The following RNF216 variants were observed in gnomAD, a reference collection of about 807,000 sequenced individuals.
RNF216 encodes the protein E3 ubiquitin-protein ligase RNF216.
A neutral mutation model predicts 110.8 loss-of-function variants in RNF216; 72 were observed. That is an observed-to-expected ratio of 0.65 (90% CI 0.54 to 0.79). The LOEUF is 0.79. Ranked by LOEUF, RNF216 falls within the 30% of genes least tolerant of loss-of-function variation. RNF216 has a pLI of 0.00. For missense variants in RNF216, 1,342 were observed against 1,141.2 expected (o/e 1.18, Z -2.54); for synonymous variants, 495 against 407.5 (o/e 1.21, Z -2.59).
At chr7:5,770,615 T>C (rs958703058) in intron 1 of RNF216, among the ~76,000 whole-genome samples, 3 of 151,952 alleles carry the variant, frequency 2.0e-5, no homozygotes, top group Non-Finnish European at 4.4e-5. Context: ...GTTTTAAGAA[T>C]AGATATATAC....
At chr7:5,720,678 C>A (rs1793363879) in intron 9 of RNF216, among the ~76,000 whole-genome samples, 1 of 152,006 alleles carries the variant, frequency 6.6e-6, no homozygotes, top group Admixed American at 6.6e-5. Context: ...ACTTTGAGAG[C>A]CACTGGTTTA....
At chr7:5,762,682 ACT>A (rs968632059) in intron 1 of RNF216, among the ~76,000 whole-genome samples, 8 of 152,008 alleles carry the variant, frequency 5.3e-5, no homozygotes, top group African/African-American at 1.9e-4. Context: ...ACAGAGCGAG[ACT>A]CTGTCTCGAA....
intron 13 of RNF216, among the ~76,000 whole-genome samples, chr7:5,675,472 C>T (rs77085121): frequency 0.015 from 2,260 of 149,866 alleles, 50 homozygotes; most frequent in African/African-American, 0.051. Flanking sequence ...ACACCCTCTA[C>T]GAAAAATAAA....
At chr7:5,765,721 C>A (rs1333641524) in intron 1 of RNF216, among the ~76,000 whole-genome samples, 4 of 150,150 alleles carry the variant, frequency 2.7e-5, no homozygotes, top group Non-Finnish European at 5.9e-5. Flanking sequence ...GGCGGGCAGA[C>A]TGCCTGAGCT....
In RNF216 at chr7:5,716,701, G is replaced by A. The variant is rs1311621064; in HGVS notation, c.1695+15C>T. The A allele has an allele frequency of 6.4e-7, 1 of 1,573,522 alleles. No homozygotes were observed. Among genetic ancestry groups the A allele is most frequent in the East Asian group, 2.3e-5 (1 of 43,564 alleles). ...TGAAAATGCCCAGAATAAACAAGGT[G>A]AGATTTCAAACTACCTTTTGATACT... On this transcript the variant is annotated intron_variant, in intron 10 of 16. Transcript: ENST00000389902.
rs572153625 is a variant in RNF216 at position 5,648,024 on chromosome 7, T to C, written c.2159+4389A>G. ...CAGACACTGCATAGCTCTGGGTGTT[T>C]TGTAATTTGAGATGCACAGAGCCAC... On this transcript the variant is annotated intron_variant, in intron 14 of 16. Coordinates refer to ENST00000389902, the MANE Select transcript of RNF216 (RefSeq NM_207111.4). Among the ~76,000 whole-genome samples the C allele has an allele frequency of 2.0e-5, 3 of 152,246 alleles. No individual in the cohort carries two copies. The East Asian group carries it at 5.8e-4, about 29-fold the overall frequency.
chr7:5,659,790 C>T (rs1788984212), intron 13 of RNF216, among the ~76,000 whole-genome samples: 1 of 152,094 alleles, frequency 6.6e-6, no homozygotes, highest in Non-Finnish European at 1.5e-5. Context: ...ACAAGGTGTG[C>T]CAACACCAAG....
At chr7:5,710,487 A>G (rs1400438974) in intron 13 of RNF216, among the ~76,000 whole-genome samples, 3 of 152,202 alleles carry the variant, frequency 2.0e-5, no homozygotes, top group African/African-American at 7.2e-5. Flanking sequence ...TTACCAGGAA[A>G]TGTAGTTCCC....
At chr7:5,672,360 A>G (rs1055312975) in intron 13 of RNF216, among the ~76,000 whole-genome samples, 2 of 152,230 alleles carry the variant, frequency 1.3e-5, no homozygotes, top group Non-Finnish European at 2.9e-5. Context: ...ATGTTTATAT[A>G]AAAGGATCCC....
intron 3 of RNF216, among the ~76,000 whole-genome samples, chr7:5,748,717 TTAAG>T (rs1444926864): frequency 1.3e-5 from 2 of 151,016 alleles, no homozygotes; most frequent in Non-Finnish European, 2.9e-5. Flanking sequence ...CTATTAGTAG[TTAAG>T]TAGTTATTAA....
At chr7:5,779,969 A>G (rs915636828) in intron 1 of RNF216, 1 of 152,154 alleles carries the variant, frequency 6.6e-6, no homozygotes, top group Non-Finnish European at 1.5e-5. Flanking sequence ...CCCATTCAGT[A>G]AACAAAGGTA....
intron 2 of RNF216, among the ~76,000 whole-genome samples, chr7:5,753,305 T>G (rs1410680055): frequency 6.6e-6 from 1 of 152,236 alleles, no homozygotes; most frequent in Non-Finnish European, 1.5e-5. Context: ...GGTCTCCCAA[T>G]CCATCTCTAT....
chr7:5,722,607 G>A (rs1562430264), intron 8 of RNF216, among the ~76,000 whole-genome samples: 2 of 151,206 alleles, frequency 1.3e-5, no homozygotes, highest in Non-Finnish European at 1.5e-5. Context: ...AGCCAGGATG[G>A]TCTTGATCTC....
At chr7:5,730,164 C>T (rs1476871493) in intron 6 of RNF216, among the ~76,000 whole-genome samples, 1 of 152,180 alleles carries the variant, frequency 6.6e-6, no homozygotes, top group East Asian at 1.9e-4. Flanking sequence ...GACCTGCATG[C>T]TGAAGTACTT....
At chr7:5,642,032 T>TAAAAAAAAAAAAA (rs1201078083) in intron 14 of RNF216, among the ~76,000 whole-genome samples, 4 of 98,464 alleles carry the variant, frequency 4.1e-5, no homozygotes, top group Non-Finnish European at 7.7e-5. Context: ...GACTCTATCT[T>TAAAAAAAAAAAAA]AAAAAAAAAA....
At chr7:5,740,104 C>CTTTTTTT (rs71004698) in intron 4 of RNF216, among the ~76,000 whole-genome samples, 29 of 118,484 alleles carry the variant, frequency 2.4e-4, no homozygotes, top group African/African-American at 3.4e-4. Flanking sequence ...GATGTAACAC[C>CTTTTTTT]TTTTTTTTTT....
chr7:5,722,552 G>C (rs1374475093), intron 8 of RNF216, among the ~76,000 whole-genome samples: 2 of 151,176 alleles, frequency 1.3e-5, no homozygotes, highest in Non-Finnish European at 1.5e-5. Flanking sequence ...CACCATGCCC[G>C]GCTAATTTTT....
At chr7:5,735,200 G>A (rs1356972638) in intron 5 of RNF216, among the ~76,000 whole-genome samples, 3 of 152,060 alleles carry the variant, frequency 2.0e-5, no homozygotes, top group African/African-American at 7.2e-5. Context: ...TTCAAGACAG[G>A]AGTCTAAAGT....
intron 13 of RNF216, among the ~76,000 whole-genome samples, chr7:5,652,722 C>T (rs1788474120): frequency 6.6e-6 from 1 of 152,054 alleles, no homozygotes; most frequent in Non-Finnish European, 1.5e-5. Context: ...GTAGTACCAG[C>T]ACTTTGGAAG....
Sources: gnomAD v4.1 joint callset for allele counts (sites outside exome capture counted in the v4.1 genomes callset) on GRCh38, gnomAD v4.1.1 for gene constraint, MANE v1.5 for transcripts, NCBI Gene and HGNC (gene_info 2026-07-23, HGNC 2026-07-21) for gene names.